WAPL: variants seen among roughly 807,000 people sequenced by gnomAD.
WAPL encodes the protein wings apart-like protein homolog.
A neutral mutation model predicts 121.0 loss-of-function variants in WAPL; 5 were observed. The observed-to-expected ratio is 0.04, with a 90% confidence interval of 0.02 to 0.09. The LOEUF (loss-of-function observed/expected upper bound fraction) is 0.09. WAPL is among the 10% of genes least tolerant of loss of function. The probability of loss-of-function intolerance (pLI) is 1.00; values close to 1 mark genes in which losing one functional copy is unlikely to be tolerated. For missense variants in WAPL, 999 were observed against 1,410.8 expected (o/e 0.71, Z 4.68); for synonymous variants, 480 against 481.5 (o/e 1.00, Z 0.04).
chr10:86,454,164 G>T (rs1015267397), intron 12 of WAPL, among the ~76,000 whole-genome samples: 10 of 152,184 alleles, frequency 6.6e-5, no homozygotes, highest in African/African-American at 2.2e-4. Context: ...GGTAGTAAAT[G>T]TTATTACTAC....
chr10:86,453,960 A>G (rs1184914543), intron 12 of WAPL, 129 bp from the exon 13 acceptor site: 1 of 815,526 alleles, frequency 1.2e-6, no homozygotes, highest in Non-Finnish European at 1.7e-6. Context: ...GATACCTTAA[A>G]AAACTTATTC....
intron 17 of WAPL, among the ~76,000 whole-genome samples, chr10:86,440,412 C>G (rs192846376): frequency 1.3e-5 from 2 of 151,850 alleles, no homozygotes; most frequent in Non-Finnish European, 2.9e-5. Context: ...CTCAGCCTCC[C>G]GAGTAGCTGG....
chr10:86,491,637 G>A (rs1223365585), intron 4 of WAPL, among the ~76,000 whole-genome samples: 1 of 151,576 alleles, frequency 6.6e-6, no homozygotes, highest in East Asian at 1.9e-4. Flanking sequence ...TGTACAGAAG[G>A]CAAGGGAAGT....
chr10:86,512,049 C>T (rs1226261700), intron 2 of WAPL, among the ~76,000 whole-genome samples: 1 of 152,200 alleles, frequency 6.6e-6, no homozygotes, highest in African/African-American at 2.4e-5. Context: ...AGGCAGGTAA[C>T]TCTTGCTGAT....
chr10:86,479,880 TA>T (rs1486098614), intron 4 of WAPL, among the ~76,000 whole-genome samples: 1 of 152,156 alleles, frequency 6.6e-6, no homozygotes, highest in Non-Finnish European at 1.5e-5. Flanking sequence ...AAAAATCCTT[TA>T]AAAAAGACAA....
At chr10:86,493,684 T>C (rs1048023939) in intron 4 of WAPL, among the ~76,000 whole-genome samples, 10 of 130,296 alleles carry the variant, frequency 7.7e-5, no homozygotes, top group African/African-American at 2.9e-4. Flanking sequence ...CAAGCCACCA[T>C]GCCCAACTAC....
At chr10:86,507,458 C>T (rs1174806080) in intron 2 of WAPL, among the ~76,000 whole-genome samples, 1 of 151,388 alleles carries the variant, frequency 6.6e-6, no homozygotes, top group Non-Finnish European at 1.5e-5. Flanking sequence ...CATCCAACAA[C>T]CTCTTATTCA....
Position 86,472,556 on chromosome 10 carries a change from A to C in WAPL, c.1893+56T>G. On this transcript the variant is annotated intron_variant, in intron 6 of 18. Coordinates refer to ENST00000298767, the MANE Select transcript of WAPL (RefSeq NM_015045.5). This position sits in a 1 kb window ranked among gnomAD's most constrained non-coding sequence, Gnocchi z 4.2. ...ATTTGTTGAAGATATTAAATGGCTA[A>C]ATGTTACATACAAAAATCTATCAAC... The C allele has an allele frequency of 6.3e-7, 1 of 1,586,764 alleles. No individual in the cohort carries two copies. Among genetic ancestry groups the C allele is most frequent in the Admixed American group, 1.8e-5 (1 of 54,098 alleles).
At chr10:86,442,704 C>G (rs1010151339) in intron 17 of WAPL, among the ~76,000 whole-genome samples, 5 of 152,088 alleles carry the variant, frequency 3.3e-5, no homozygotes, top group African/African-American at 1.2e-4. Flanking sequence ...ACAGACTGTA[C>G]TAAAGTTTTT....
At chr10:86,506,097 T>C (rs1336213171) in intron 2 of WAPL, among the ~76,000 whole-genome samples, 1 of 152,122 alleles carries the variant, frequency 6.6e-6, no homozygotes, top group African/African-American at 2.4e-5. Context: ...TAGCTGACTG[T>C]GATGGTACAC....
intron 7 of WAPL, among the ~76,000 whole-genome samples, chr10:86,471,854 C>T (rs1475752639): frequency 6.6e-6 from 1 of 151,960 alleles, no homozygotes; most frequent in Non-Finnish European, 1.5e-5. Flanking sequence ...AAGGTGGTCT[C>T]GAACTCTTGG....
intron 2 of WAPL, among the ~76,000 whole-genome samples, chr10:86,515,642 C>T (rs1842539976): frequency 6.6e-6 from 1 of 151,868 alleles, no homozygotes; most frequent in South Asian, 2.1e-4. Context: ...ATTACCTGGG[C>T]ATGATGGCAG....
chr10:86,504,633 CAG>C (rs1842310254), intron 2 of WAPL, among the ~76,000 whole-genome samples: 1 of 150,350 alleles, frequency 6.7e-6, no homozygotes, highest in Non-Finnish European at 1.5e-5. Flanking sequence ...GCCCCGTCGA[CAG>C]AGCGAGACTC....
chr10:86,479,726 T>C (rs1841738662), intron 4 of WAPL, among the ~76,000 whole-genome samples: 1 of 152,192 alleles, frequency 6.6e-6, no homozygotes, highest in African/African-American at 2.4e-5. Context: ...CAGCACGAAG[T>C]ACAACTAAAT....
At chr10:86,439,561 C>G (rs1474228567) in intron 17 of WAPL, among the ~76,000 whole-genome samples, 1 of 152,080 alleles carries the variant, frequency 6.6e-6, no homozygotes, top group Non-Finnish European at 1.5e-5. Context: ...CAGAATATAG[C>G]AGGTACAAAA....
intron 4 of WAPL, among the ~76,000 whole-genome samples, chr10:86,479,221 A>T (rs1217836911): frequency 6.6e-6 from 1 of 152,186 alleles, no homozygotes; most frequent in Non-Finnish European, 1.5e-5. Flanking sequence ...GGCTCATAAA[A>T]GCCAGGAAAA....
chr10:86,472,528 G>C lies in WAPL; in HGVS notation c.1893+84C>G. On this transcript the variant is annotated intron_variant, in intron 6 of 18. Transcript: ENST00000298767. The surrounding 1 kb of genome is among the most constrained non-coding windows in gnomAD (Gnocchi z 4.2). ...GTTCAAAACTGAGTATCAGTATACT[G>C]ATATTTGTTGAAGATATTAAATGGC... The C allele has an allele frequency of 6.4e-7, 1 of 1,560,170 alleles. No individual in the cohort carries two copies. Among genetic ancestry groups the C allele is most frequent in the Non-Finnish European group, 8.7e-7 (1 of 1,151,976 alleles).
intron 9 of WAPL, among the ~76,000 whole-genome samples, chr10:86,465,966 C>T (rs1841387425): frequency 6.6e-6 from 1 of 151,752 alleles, no homozygotes; most frequent in South Asian, 2.1e-4. Context: ...AAACCACAGG[C>T]CAATTATCTT....
chr10:86,467,833 C>T (rs940199110), intron 8 of WAPL, among the ~76,000 whole-genome samples: 49 of 151,920 alleles, frequency 3.2e-4, no homozygotes, highest in African/African-American at 1.1e-3. Context: ...TGTGCCACCA[C>T]GCCCAGCTTA....
Sources: gnomAD v4.1 joint callset for allele counts (sites outside exome capture counted in the v4.1 genomes callset) on GRCh38, gnomAD v4.1.1 for gene constraint, Gnocchi (gnomAD v3.1) non-coding constraint, MANE v1.5 for transcripts, NCBI Gene and HGNC (gene_info 2026-07-23, HGNC 2026-07-21) for gene names.